The following ARHGAP15 variants were observed in gnomAD, a reference collection of about 807,000 sequenced individuals.
The protein encoded by ARHGAP15 is Rho GTPase activating protein 15.
A neutral mutation model predicts 63.7 loss-of-function variants in ARHGAP15; 51 were observed. The ratio of observed to expected loss-of-function variants is 0.80; its 90% confidence interval spans 0.64 to 1.01. ARHGAP15 has a LOEUF of 1.01. Among genes scored for constraint, ARHGAP15 ranks in the 50% least tolerant of loss-of-function variants. The pLI, the probability that ARHGAP15 is intolerant of heterozygous loss-of-function variation, is 0.00. For missense variants in ARHGAP15, 560 were observed against 564.6 expected, an observed-to-expected ratio of 0.99 and a Z score of 0.08; for synonymous variants, 191 against 193.8, an observed-to-expected ratio of 0.99 and a Z score of 0.12.
At chr2:143,445,165 T>TTC (rs1409557957) in intron 8 of ARHGAP15, among the ~76,000 whole-genome samples, 3 of 131,602 alleles carry the variant, frequency 2.3e-5, no homozygotes, top group Admixed American at 7.6e-5. Flanking sequence ...TTTTTTTTTT[T>TTC]TTTTTTTTTT....
At chr2:143,711,256 G>A (rs1247991648) in intron 13 of ARHGAP15, among the ~76,000 whole-genome samples, 2 of 152,130 alleles carry the variant, frequency 1.3e-5, no homozygotes, top group Admixed American at 6.5e-5. Context: ...CTACCCTCAC[G>A]TATCTTATCG....
intron 6 of ARHGAP15, among the ~76,000 whole-genome samples, chr2:143,378,908 A>C (rs1686929277): frequency 6.6e-6 from 1 of 152,066 alleles, no homozygotes; most frequent in Admixed American, 6.6e-5. Flanking sequence ...AAAATATTGA[A>C]GGGAATGGGT....
chr2:143,697,740 A>T (rs1683915724), intron 12 of ARHGAP15, among the ~76,000 whole-genome samples: 1 of 152,084 alleles, frequency 6.6e-6, no homozygotes, highest in Admixed American at 6.6e-5. Context: ...TCAATGGGCA[A>T]CTCAAGTTTT....
chr2:143,560,629 T>C (rs2105095804), intron 11 of ARHGAP15, among the ~76,000 whole-genome samples: 1 of 152,340 alleles, frequency 6.6e-6, no homozygotes. Flanking sequence ...TGACTTTCCT[T>C]TACACCCCGC....
At chr2:143,728,700 T>C (rs1001048812) in intron 13 of ARHGAP15, among the ~76,000 whole-genome samples, 2 of 152,150 alleles carry the variant, frequency 1.3e-5, no homozygotes, top group Non-Finnish European at 2.9e-5. Flanking sequence ...GCAGTTCCTG[T>C]GTACAGTAAG....
intron 12 of ARHGAP15, among the ~76,000 whole-genome samples, chr2:143,657,925 T>C (rs1681541905): frequency 1.3e-5 from 2 of 152,258 alleles, no homozygotes; most frequent in Non-Finnish European, 2.9e-5. Flanking sequence ...TTGGTGTTCC[T>C]GTTTTGTATT....
At chr2:143,728,136 A>G (rs1472794009) in intron 13 of ARHGAP15, among the ~76,000 whole-genome samples, 2 of 152,202 alleles carry the variant, frequency 1.3e-5, no homozygotes, top group African/African-American at 4.8e-5. Flanking sequence ...CTGGAAGTCC[A>G]AGGTCAAGAT....
intron 2 of ARHGAP15, among the ~76,000 whole-genome samples, chr2:143,199,687 A>G (rs1439878726): frequency 1.3e-5 from 2 of 152,024 alleles, no homozygotes; most frequent in Non-Finnish European, 2.9e-5. Flanking sequence ...TCACATGGCC[A>G]CTCCTAACTG....
At chr2:143,219,733 A>G (rs2105151789) in intron 4 of ARHGAP15, among the ~76,000 whole-genome samples, 1 of 152,356 alleles carries the variant, frequency 6.6e-6, no homozygotes, top group Non-Finnish European at 1.5e-5. Context: ...AGCACGTAGC[A>G]TCATCCAATC....
intron 12 of ARHGAP15, among the ~76,000 whole-genome samples, chr2:143,685,066 T>C (rs1431203049): frequency 1.3e-5 from 2 of 152,204 alleles, no homozygotes; most frequent in Non-Finnish European, 2.9e-5. Context: ...GTTTGTTTAA[T>C]GGACTGCAAG....
At chr2:143,694,083 G>T (rs954242521) in intron 12 of ARHGAP15, among the ~76,000 whole-genome samples, 3 of 152,134 alleles carry the variant, frequency 2.0e-5, no homozygotes, top group African/African-American at 7.2e-5. Flanking sequence ...GTGCAGGAAA[G>T]TTTCTTAACT....
chr2:143,648,023 G>A (rs1459470670), intron 12 of ARHGAP15, among the ~76,000 whole-genome samples: 1 of 151,950 alleles, frequency 6.6e-6, no homozygotes, highest in Admixed American at 6.6e-5. Flanking sequence ...TCCACTCAGA[G>A]GATTGATACT....
chr2:143,519,371 G>T lies in ARHGAP15; in HGVS notation c.925+7G>T. 6.2e-7 allele frequency: 1 copy of T among 1,607,954 alleles called. No individual in the cohort carries two copies. Among genetic ancestry groups the T allele is most frequent in the South Asian group, 1.1e-5 (1 of 90,840 alleles). ...GAAGCTGTTGAGAAAAGAGGTGGGT[G>T]ACTGAATGTGCAGCAGTTCCCCCCA... On this transcript the variant is annotated splice_region_variant and intron_variant, in intron 10 of 13. Transcript: ENST00000295095.
At chr2:143,552,613 C>G (rs1275820028) in intron 10 of ARHGAP15, among the ~76,000 whole-genome samples, 1 of 152,080 alleles carries the variant, frequency 6.6e-6, no homozygotes, top group African/African-American at 2.4e-5. Context: ...CAGCAATACC[C>G]AGTGATTTCT....
intron 11 of ARHGAP15, among the ~76,000 whole-genome samples, chr2:143,564,869 G>T (rs755414268): frequency 6.6e-6 from 1 of 152,002 alleles, no homozygotes; most frequent in Non-Finnish European, 1.5e-5. Context: ...GAAAATAAAA[G>T]GTGCTTTACC....
intron 13 of ARHGAP15, among the ~76,000 whole-genome samples, chr2:143,734,228 A>G (rs1020518113): frequency 9.2e-5 from 14 of 152,140 alleles, no homozygotes; most frequent in South Asian, 2.1e-4. Context: ...TCCAGTGTCA[A>G]TGTGCTCTCC....
At chr2:143,603,690 T>C (rs1156343734) in intron 11 of ARHGAP15, among the ~76,000 whole-genome samples, 1 of 152,210 alleles carries the variant, frequency 6.6e-6, no homozygotes, top group African/African-American at 2.4e-5. Flanking sequence ...GTAGTCTTCT[T>C]ACAGATTTAG....
At position 143,703,414 on chromosome 2, in the gene ARHGAP15, T is replaced by C. The variant is rs748349508; in HGVS notation, c.1139-5T>C. On this transcript the variant is annotated splice_region_variant and splice_polypyrimidine_tract_variant and intron_variant, in intron 12 of 13. Coordinates refer to ENST00000295095, the MANE Select transcript of ARHGAP15 (RefSeq NM_018460.4). ...CCTAACCTTCCTTTTTATTTTTTTTTCCAGAAAAGCAAGACAACAACACAA... is the reference window on the plus strand; with the variant it reads ...CCTAACCTTCCTTTTTATTTTTTTTCCCAGAAAAGCAAGACAACAACACAA... 16 of 1,598,680 alleles carry C rather than the reference T, an allele frequency of 1.0e-5. No homozygotes were observed. The highest frequency in any genetic ancestry group is 1.3e-5 in the Non-Finnish European group (15 of 1,175,548).
chr2:143,419,871 A>G (rs1688844230), intron 6 of ARHGAP15, among the ~76,000 whole-genome samples: 1 of 151,612 alleles, frequency 6.6e-6, no homozygotes, highest in Non-Finnish European at 1.5e-5. Context: ...TAACAGCAAT[A>G]TCTAAACAAA....
Sources: gnomAD v4.1 joint callset for allele counts (sites outside exome capture counted in the v4.1 genomes callset) on GRCh38, gnomAD v4.1.1 for gene constraint, MANE v1.5 for transcripts, NCBI Gene and HGNC (gene_info 2026-07-23, HGNC 2026-07-21) for gene names.